TRIM10: variants seen among roughly 807,000 people sequenced by gnomAD.
TRIM10 encodes tripartite motif containing 10, also known as tripartite motif-containing protein 10.
In TRIM10, 42 loss-of-function variants were observed where a neutral mutation model predicts 40.0. The ratio of observed to expected loss-of-function variants is 1.05; its 90% CI spans 0.82 to 1.36. The LOEUF (loss-of-function observed/expected upper bound fraction) is 1.36, where lower values mean the gene tolerates loss of function less well. Among genes scored for constraint, TRIM10 ranks in the 40% most tolerant of loss-of-function variants. The pLI is 0.00. For missense variants in TRIM10, 601 were observed against 608.3 expected, an observed-to-expected ratio of 0.99 and a Z score of 0.13; for synonymous variants, 260 against 239.5, an observed-to-expected ratio of 1.09 and a Z score of -0.79.
chr6:30,154,420 G>A lies in TRIM10; in HGVS notation c.995C>T (p.Ala332Val). 2 of 1,613,062 alleles carry A rather than the reference G, an allele frequency of 1.2e-6. No homozygotes were observed. The highest frequency in any genetic ancestry group is 1.7e-5 in the Admixed American group (1 of 60,026). Residue 332 changes from alanine (A) to valine (V), a missense_variant, in exon 7 of 7, where the codon GCT becomes GTT. Physicochemically the swap from Ala to Val is moderately conservative, Grantham distance 64. Coordinates refer to ENST00000449742, the MANE Select transcript of TRIM10 (RefSeq NM_006778.4). ...GTTCTGCCATTTGTAGGAGAACTGA[G>A]CTCGCTGGTGGTCCTCGGACAAGAG... Reference protein sequence around the residue: ...KLLLSEDHQRAQFSYKWQNSP... With the variant: ...KLLLSEDHQRVQFSYKWQNSP...
rs778193853 is a variant in TRIM10 at position 30,155,744 on chromosome 6, T to C, written c.911A>G (p.Glu304Gly). ...MKMFLEKLCF[E>G]LDYEPAHISL... ...CTCCTTACCTGGCTCATAGTCCAAC[T>C]CAAAGCATAGTTTTTCTGTAAAGAA... The change falls in exon 6 of 7, where the codon GAG becomes GGG. Residue 304 changes from glutamate to glycine, a missense_variant. By Grantham distance (98) the Glu-to-Gly change is moderately conservative. Transcript: ENST00000449742. The C allele has an allele frequency of 4.3e-6, 7 of 1,613,430 alleles. No homozygotes were observed. In the Admixed American group the frequency reaches 5.0e-5, roughly 12 times the overall value.
rs1772322720 is a variant in TRIM10 at position 30,154,379 on chromosome 6, G to A, written c.1036C>T (p.Gln346Ter). Residue 346 changes from glutamine (Q) to a stop codon, truncating the protein, a stop_gained, in exon 7 of 7, where the codon CAA (glutamine) becomes TAA (stop). Transcript: ENST00000449742. LOFTEE classifies it low-confidence loss of function (END_TRUNC). ...YKWQNSPDNP[Q>*]RFDRATCVLA... The stretch of plus-strand genomic sequence containing the variant: ...ACACAGGTGGCCCGGTCAAAACGTT[G>A]GGGGTTGTCTGGTGAGTTCTGCCAT... 6.2e-7 allele frequency: 1 copy of A among 1,612,648 alleles called. No individual in the cohort carries two copies. The highest frequency in any genetic ancestry group is 1.7e-4 in the Middle Eastern group (1 of 6,058).
In TRIM10 at chr6:30,154,274, C is replaced by T. The variant is rs111581324; in HGVS notation, c.1141G>A (p.Val381Met). ...TGCACATCCTCGCTCACCACGCCCA[C>T]GGTGCAGCTGCCCCCATGGGCCAGG... Reference protein sequence around the residue: ...IDLAHGGSCTVGVVSEDVQRK... With the variant: ...IDLAHGGSCTMGVVSEDVQRK... Residue 381 changes from valine to methionine, a missense_variant, in exon 7 of 7, where the codon GTG becomes ATG. Coordinates refer to ENST00000449742, the MANE Select transcript of TRIM10 (RefSeq NM_006778.4). 11 of 1,612,680 alleles carry T rather than the reference C, an allele frequency of 6.8e-6. No homozygotes were observed. Among genetic ancestry groups the T allele is most frequent in the African/African-American group, 1.3e-5 (1 of 74,932 alleles).
In TRIM10 at chr6:30,153,458, A is replaced by G. The variant is rs2517651; in HGVS notation, c.*511T>C. On this transcript the variant is annotated 3_prime_UTR_variant, in exon 7 of 7. Coordinates refer to ENST00000449742, the MANE Select transcript of TRIM10 (RefSeq NM_006778.4). ...TCTTCCCAAGAGCTCTTTCAGATATAGAGCAGGTTTTTTTTTTCTCTATAT... is the reference window on the plus strand; with the variant it reads ...TCTTCCCAAGAGCTCTTTCAGATATGGAGCAGGTTTTTTTTTTCTCTATAT... 9.0e-6 allele frequency: 5 copies of G among 553,322 alleles called. No homozygotes were observed. The highest frequency in any genetic ancestry group is 9.4e-4 in the Middle Eastern group (2 of 2,138). 34.3% of individuals were successfully genotyped at this position (553,322 alleles called of 1,614,324 possible). A position where few individuals can be genotyped will look rare whatever the true frequency, so the allele number is the denominator to read the frequency against.
chr6:30,156,464 G>A (rs922749347), intron 5 of TRIM10, among the ~76,000 whole-genome samples: 14 of 152,130 alleles, frequency 9.2e-5, no homozygotes, highest in African/African-American at 1.9e-4. Context: ...CACAGTCCCC[G>A]TAGGACCGTC....
At chr6:30,162,043 AGGCGGGC>A (rs10610432), upstream of TRIM10, among the ~76,000 whole-genome samples, 24,338 of 152,056 alleles carry the variant, frequency 0.16, 2,220 homozygotes, top group Middle Eastern at 0.25. Flanking sequence ...TGGGAGGCCT[AGGCGGGC>A]GGATCACGAG....
Position 30,153,542 on chromosome 6 carries a change from T to A in TRIM10, c.*427A>T. 1.3e-6 allele frequency: 1 copy of A among 755,138 alleles called. No homozygotes were observed. The highest frequency in any genetic ancestry group is 2.2e-6 in the Non-Finnish European group (1 of 450,096). 46.8% of individuals were successfully genotyped at this position (755,138 alleles called of 1,614,324 possible). A position where few individuals can be genotyped will look rare whatever the true frequency, so the allele number is the denominator to read the frequency against. On this transcript the variant is annotated 3_prime_UTR_variant, in exon 7 of 7. Coordinates refer to ENST00000449742, the MANE Select transcript of TRIM10 (RefSeq NM_006778.4). ...TTCATAGTTAACACAAACTAAATGGTTCTAGAGAATGTGATTACATGAACT... is the reference window on the plus strand; with the variant it reads ...TTCATAGTTAACACAAACTAAATGGATCTAGAGAATGTGATTACATGAACT...
chr6:30,153,432 G>C lies in TRIM10; in HGVS notation c.*537C>G. 1 of 500,172 alleles carries C rather than the reference G, an allele frequency of 2.0e-6. No individual in the cohort carries two copies. The highest frequency in any genetic ancestry group is 3.6e-6 in the Non-Finnish European group (1 of 280,760). 31.0% of individuals were successfully genotyped at this position (500,172 alleles called of 1,614,324 possible). A position where few individuals can be genotyped will look rare whatever the true frequency, so the allele number is the denominator to read the frequency against. On this transcript the variant is annotated 3_prime_UTR_variant, in exon 7 of 7. Coordinates refer to ENST00000449742, the MANE Select transcript of TRIM10 (RefSeq NM_006778.4). ...TGTAATTTCCTCTTTATGTTTCTCTGTCTTCCCAAGAGCTCTTTCAGATAT... is the reference window on the plus strand; with the variant it reads ...TGTAATTTCCTCTTTATGTTTCTCTCTCTTCCCAAGAGCTCTTTCAGATAT...
At position 30,152,284 on chromosome 6, in the gene TRIM10, A is replaced by G. The variant is rs1247695369; in HGVS notation, c.*1685T>C. On this transcript the variant is annotated 3_prime_UTR_variant, in exon 7 of 7. Coordinates refer to ENST00000449742, the MANE Select transcript of TRIM10 (RefSeq NM_006778.4). ...TGCAAGCCAGGATCTTCATACACAT[A>G]CATTTTAGAGGATAATAGTCCTTTC... is the stretch of plus-strand genomic sequence containing the variant. The G allele has an allele frequency of 1.3e-5, 2 of 152,216 alleles. No individual in the cohort carries two copies. The highest frequency in any genetic ancestry group is 2.9e-5 in the Non-Finnish European group (2 of 68,026). The allele number at this position is 152,216 out of a possible 1,614,324, so 9.4% of individuals were successfully genotyped here.
chr6:30,163,575 C>CTCT, upstream of TRIM10: 41 of 1,097,248 alleles, frequency 3.7e-5, no homozygotes, highest in East Asian at 7.0e-5. Flanking sequence ...TGTCTCTTAG[C>CTCT]CTTGCAGCCG....
rs1456155942 is a variant in TRIM10 at position 30,159,202 on chromosome 6, T to C, written c.473A>G (p.Glu158Gly). The C allele has an allele frequency of 1.9e-6, 3 of 1,611,276 alleles. No individual in the cohort carries two copies. Among genetic ancestry groups the C allele is most frequent in the Middle Eastern group, 1.7e-4 (1 of 6,050 alleles). The part of the protein sequence containing the change: ...KCLKCLRKER[E>G]EIQEIQSREN... ...TCTTGACTGGATTTCTTGAATCTCC[T>C]CTCTCTCTTTTCTTAGACATTTAAG... Residue 158 changes from glutamate to glycine, a missense_variant, in exon 2 of 7, where the codon GAG becomes GGG. By Grantham distance (98) the Glu-to-Gly change is moderately conservative. Transcript: ENST00000449742.
chr6:30,154,176 C>A lies in TRIM10; in HGVS notation c.1239G>T (p.Ser413=). 6.2e-7 allele frequency: 1 copy of A among 1,611,988 alleles called. No individual in the cohort carries two copies. The highest frequency in any genetic ancestry group is 1.1e-5 in the South Asian group (1 of 91,040). ...WAVRLAWGFV[S]ALGSFPTRLT... Reference sequence around the variant, plus strand: ...GCCGTGTGGGGAAGGAGCCCAGAGCCGAGACGAAGCCCCAAGCCAGCCTCA... The same window carrying A: ...GCCGTGTGGGGAAGGAGCCCAGAGCAGAGACGAAGCCCCAAGCCAGCCTCA... Residue 413 remains serine (S), a synonymous_variant, in exon 7 of 7, where the codon TCG becomes TCT. Coordinates refer to ENST00000449742, the MANE Select transcript of TRIM10 (RefSeq NM_006778.4).
chr6:30,163,880 G>A (rs560347970), upstream of TRIM10: 4 of 1,613,062 alleles, frequency 2.5e-6, no homozygotes, highest in Non-Finnish European at 3.4e-6. Context: ...GGAGGAGCAG[G>A]CAGAGACTCC....
In TRIM10 at chr6:30,160,734, C is replaced by T. The variant is rs767784435; in HGVS notation, c.125G>A (p.Arg42His). The change falls in exon 1 of 7, where the codon CGC becomes CAC. Residue 42 changes from arginine (R) to histidine (H), a missense_variant. Coordinates refer to ENST00000449742, the MANE Select transcript of TRIM10 (RefSeq NM_006778.4). The part of the protein sequence containing the change: ...GHNFCRACLT[R>H]YCEIPGPDLE... ...GTCTGGGCCTGGTATCTCACAGTAG[C>T]GGGTAAGGCAGGCCCGGCAGAAGTT... The T allele has an allele frequency of 1.2e-5, 20 of 1,614,130 alleles. No homozygotes were observed. The highest frequency in any genetic ancestry group is 1.1e-4 in the East Asian group (5 of 44,882).
At chr6:30,163,681 C>T (rs752542498), upstream of TRIM10, 7 of 1,597,484 alleles carry the variant, frequency 4.4e-6, no homozygotes, top group East Asian at 4.5e-5. Flanking sequence ...GGGAAGGCAC[C>T]GTGATGCCCG....
At position 30,160,650 on chromosome 6, in the gene TRIM10, C is replaced by T. The variant is rs750915862; in HGVS notation, c.209G>A (p.Arg70Gln). Residue 70 changes from arginine (R) to glutamine (Q), a missense_variant, in exon 1 of 7, where the codon CGG becomes CAG. Transcript: ENST00000449742. Reference protein sequence around the residue: ...CKEPFRPGSFRPNWQLANVVE... With the variant: ...CKEPFRPGSFQPNWQLANVVE... Reference sequence around the variant, plus strand: ...CACGTTAGCCAGCTGCCAGTTGGGCCGGAAGCTCCCAGGACGGAAGGGTTC... The same window carrying T: ...CACGTTAGCCAGCTGCCAGTTGGGCTGGAAGCTCCCAGGACGGAAGGGTTC... 21 of 1,614,076 alleles carry T rather than the reference C, an allele frequency of 1.3e-5. No individual in the cohort carries two copies. Among genetic ancestry groups the T allele is most frequent in the South Asian group, 1.2e-4 (11 of 91,088 alleles).
chr6:30,157,417 C>T (rs199944245), intron 3 of TRIM10, 26 bp from the exon 4 acceptor site: 94 of 1,586,832 alleles, frequency 5.9e-5, no homozygotes, highest in Admixed American at 2.8e-4. Flanking sequence ...ACCAGAAATT[C>T]AGTTTCCAGC....
chr6:30,163,610 G>A, upstream of TRIM10: 1 of 1,508,160 alleles, frequency 6.6e-7, no homozygotes, highest in South Asian at 1.3e-5. Flanking sequence ...TCATGTAAGT[G>A]TGACTCGATT....
At chr6:30,161,804 T>C (rs1477787186), upstream of TRIM10, among the ~76,000 whole-genome samples, 1 of 152,204 alleles carries the variant, frequency 6.6e-6, no homozygotes. Context: ...GAGCCACATA[T>C]GCAATTTAAA....
Sources: allele counts gnomAD v4.1 joint callset (sites outside exome capture counted in the v4.1 genomes callset), GRCh38; gene constraint gnomAD v4.1.1; transcripts MANE v1.5; gene names NCBI Gene and HGNC (gene_info 2026-07-23, HGNC 2026-07-21).